Variants in LRBA observed in about 807,000 individuals in gnomAD.
LRBA encodes the protein lipopolysaccharide-responsive and beige-like anchor protein.
In LRBA, 176 loss-of-function variants were observed where a neutral mutation model predicts 330.0. The ratio of observed to expected loss-of-function variants is 0.53; its 90% CI spans 0.47 to 0.60. LRBA has a LOEUF of 0.60. Ranked by LOEUF, LRBA falls within the 20% of genes least tolerant of loss-of-function variation. The probability of loss-of-function intolerance (pLI) is 0.00; values close to 1 mark genes in which losing one functional copy is unlikely to be tolerated. For synonymous variants in LRBA, 1,230 were observed against 1,193.0 expected (o/e 1.03, Z -0.64); for missense variants, 3,259 against 3,444.8 (o/e 0.95, Z 1.35).
chr4:150,366,505 A>C (rs573938092), intron 47 of LRBA, among the ~76,000 whole-genome samples: 1 of 152,330 alleles, frequency 6.6e-6, no homozygotes, highest in South Asian at 2.1e-4. Context: ...GGCAAGAGTT[A>C]ATTGAAACAT....
At chr4:150,490,127 A>T (rs1283473663) in intron 41 of LRBA, among the ~76,000 whole-genome samples, 1 of 151,760 alleles carries the variant, frequency 6.6e-6, no homozygotes, top group Non-Finnish European at 1.5e-5. Context: ...GAGATCAAAC[A>T]GGAAGGGAAA....
At chr4:150,806,474 A>T (rs1014154808) in intron 32 of LRBA, 70 bp from the exon 33 acceptor site, 7 of 1,007,918 alleles carry the variant, frequency 6.9e-6, no homozygotes, top group Non-Finnish European at 9.5e-6. Context: ...TTGAAAATAA[A>T]GATGTATTTC....
intron 37 of LRBA, among the ~76,000 whole-genome samples, chr4:150,616,240 G>A (rs1232577768): frequency 6.6e-6 from 1 of 152,100 alleles, no homozygotes; most frequent in East Asian, 1.9e-4. Context: ...GTGTGGACTG[G>A]CTCAGACTTT....
intron 53 of LRBA, among the ~76,000 whole-genome samples, chr4:150,294,828 T>C (rs114371149): frequency 1.3e-5 from 2 of 152,138 alleles, no homozygotes; most frequent in Non-Finnish European, 2.9e-5. Flanking sequence ...GGCGCCCACA[T>C]GTAGTCCCAG....
intron 40 of LRBA, among the ~76,000 whole-genome samples, chr4:150,553,647 A>C (rs1041202723): frequency 5.3e-5 from 8 of 152,284 alleles, no homozygotes; most frequent in African/African-American, 1.7e-4. Flanking sequence ...TTTTCATACC[A>C]ATAACCATAT....
At chr4:150,645,530 G>A (rs1358646606) in intron 37 of LRBA, among the ~76,000 whole-genome samples, 1 of 151,930 alleles carries the variant, frequency 6.6e-6, no homozygotes, top group Non-Finnish European at 1.5e-5. Context: ...TTCAGATACT[G>A]ATGCAAGGGC....
chr4:150,802,056 A>T (rs961892860), intron 33 of LRBA, among the ~76,000 whole-genome samples: 72 of 136,628 alleles, frequency 5.3e-4, no homozygotes, highest in Non-Finnish European at 1.1e-3. Context: ...TAAATCAATA[A>T]AATTTTTTAA....
intron 36 of LRBA, among the ~76,000 whole-genome samples, chr4:150,734,346 TTA>T (rs1340992896): frequency 6.6e-6 from 1 of 152,128 alleles, no homozygotes; most frequent in African/African-American, 2.4e-5. Flanking sequence ...TATTGATGAA[TTA>T]TGTTATTTAA....
chr4:150,628,948 A>C (rs1159159905), intron 37 of LRBA, among the ~76,000 whole-genome samples: 2 of 152,174 alleles, frequency 1.3e-5, no homozygotes, highest in Non-Finnish European at 1.5e-5. Context: ...CCCAAGCTTG[A>C]CTGTAGTGGC....
chr4:150,756,314 A>C (rs1734293571), intron 35 of LRBA, among the ~76,000 whole-genome samples: 1 of 152,170 alleles, frequency 6.6e-6, no homozygotes, highest in African/African-American at 2.4e-5. Flanking sequence ...GATCACAAGC[A>C]AGCTGGCAAG....
Position 150,657,857 on chromosome 4 carries a change from T to A in LRBA, c.5921+25694A>T, listed in dbSNP as rs576494772. On this transcript the variant is annotated intron_variant, in intron 37 of 56. Coordinates refer to ENST00000651943, the MANE Select transcript of LRBA (RefSeq NM_001364905.1). ...ATAAGATTTAACAGTTTGCTTTTTTTAAGTTATTTTCTTAATAATTTTAAG... is the reference window on the plus strand; with the variant it reads ...ATAAGATTTAACAGTTTGCTTTTTTAAAGTTATTTTCTTAATAATTTTAAG... 1.9e-4 allele frequency among the ~76,000 whole-genome samples: 29 copies of A among 152,332 alleles called. No individual in the cohort carries two copies. The East Asian group carries it at 2.7e-3, about 14-fold the overall frequency.
At chr4:150,670,053 TTAA>T (rs980881459) in intron 37 of LRBA, among the ~76,000 whole-genome samples, 5 of 152,148 alleles carry the variant, frequency 3.3e-5, no homozygotes, top group African/African-American at 1.2e-4. Context: ...AACTATGAAG[TTAA>T]TATGTTTCCT....
At position 150,848,972 on chromosome 4, in the gene LRBA, A is replaced by G. The variant is rs1448654072; in HGVS notation, c.4185T>C (p.Thr1395=). The change falls in exon 26 of 57, where the codon ACT becomes ACC. Residue 1395 remains threonine, a synonymous_variant. Transcript: ENST00000651943. Reference sequence around the variant, plus strand: ...CAGAGGCTTCTATTGAAAGGCCTTGAGTAGGTTCAATATTTTCCAGTTCAT... The same window carrying G: ...CAGAGGCTTCTATTGAAAGGCCTTGGGTAGGTTCAATATTTTCCAGTTCAT... The part of the protein sequence containing the change: ...ATHELENIEP[T]QGLSIEASVT... 5.6e-6 allele frequency: 9 copies of G among 1,603,878 alleles called. No homozygotes were observed. Among genetic ancestry groups the G allele is most frequent in the Non-Finnish European group, 5.9e-6 (7 of 1,176,810 alleles).
At chr4:150,477,610 G>A (rs534473754) in intron 42 of LRBA, among the ~76,000 whole-genome samples, 20 of 152,202 alleles carry the variant, frequency 1.3e-4, no homozygotes, top group African/African-American at 4.3e-4. Flanking sequence ...TGGGGACACA[G>A]AGAAAAACCA....
intron 34 of LRBA, among the ~76,000 whole-genome samples, chr4:150,792,459 G>A: frequency 6.6e-6 from 1 of 152,158 alleles, no homozygotes; most frequent in Non-Finnish European, 1.5e-5. Flanking sequence ...CTTAAAATGT[G>A]TGGGTATTTA....
intron 34 of LRBA, among the ~76,000 whole-genome samples, chr4:150,768,905 G>A (rs1736145815): frequency 6.7e-6 from 1 of 148,892 alleles, no homozygotes; most frequent in African/African-American, 2.5e-5. Flanking sequence ...ATCAAGATAG[G>A]GATTTTATCA....
At chr4:151,008,143 T>A (rs1744337685) in intron 2 of LRBA, among the ~76,000 whole-genome samples, 1 of 151,562 alleles carries the variant, frequency 6.6e-6, no homozygotes, top group African/African-American at 2.4e-5. Context: ...TGCAGTGGTG[T>A]GATTTCTGCT....
chr4:150,434,753 A>AG (rs1750882319), intron 46 of LRBA, among the ~76,000 whole-genome samples: 1 of 152,046 alleles, frequency 6.6e-6, no homozygotes, highest in Non-Finnish European at 1.5e-5. Context: ...CAGGAGGCTG[A>AG]GGCAGGAGGA....
At chr4:150,995,370 A>G (rs909065206) in intron 2 of LRBA, among the ~76,000 whole-genome samples, 2 of 152,114 alleles carry the variant, frequency 1.3e-5, no homozygotes, top group African/African-American at 4.8e-5. Context: ...AAAGCCCCCA[A>G]GAATCAGCAG....
Sources: gnomAD v4.1 joint callset for allele counts (sites outside exome capture counted in the v4.1 genomes callset) on GRCh38, gnomAD v4.1.1 for gene constraint, MANE v1.5 for transcripts, NCBI Gene and HGNC (gene_info 2026-07-23, HGNC 2026-07-21) for gene names.